MGAM2: variants seen among roughly 807,000 people sequenced by gnomAD.
MGAM2 encodes the protein probable maltase-glucoamylase 2.
Under a neutral mutation model 96.1 loss-of-function variants are expected in MGAM2, and 98 were observed. That is an observed-to-expected ratio of 1.02 (90% confidence interval 0.87 to 1.21). The LOEUF (loss-of-function observed/expected upper bound fraction) is 1.21, where lower values mean the gene tolerates loss of function less well. Among genes scored for constraint, MGAM2 ranks in the 50% most tolerant of loss-of-function variants. The pLI is 0.00. For missense variants in MGAM2, 2,055 were observed against 1,182.4 expected, an observed-to-expected ratio of 1.74 and a Z score of -10.82; for synonymous variants, 749 against 414.8, an observed-to-expected ratio of 1.81 and a Z score of -9.79.
At chr7:142,190,687 T>TG (rs1028214663) in intron 37 of MGAM2, among the ~76,000 whole-genome samples, 2 of 152,162 alleles carry the variant, frequency 1.3e-5, no homozygotes, top group African/African-American at 4.8e-5. Flanking sequence ...GACATTCTAA[T>TG]GGGGGTAAAG....
chr7:142,132,092 T>C lies in MGAM2; in HGVS notation c.575+7T>C, dbSNP rs1363062348. The stretch of plus-strand genomic sequence containing the variant: ...CAAGCAACAGAAGAGTCTTGTGAGC[T>C]TTTCAACCCTCTTGGTGCATCTTTG... On this transcript the variant is annotated splice_region_variant and intron_variant, in intron 6 of 47. Transcript: ENST00000477922. The C allele has an allele frequency of 1.4e-6, 1 of 699,898 alleles. No homozygotes were observed. Among genetic ancestry groups the C allele is most frequent in the Non-Finnish European group, 2.6e-6 (1 of 383,972 alleles). The allele number at this position is 699,898 out of a possible 1,614,324, so 43.4% of individuals were successfully genotyped here. A position where few individuals can be genotyped will look rare whatever the true frequency, so the allele number is the denominator to read the frequency against.
intron 12 of MGAM2, 68 bp downstream of exon 12, chr7:142,141,187 G>A (rs1212403585): frequency 4.5e-6 from 3 of 671,002 alleles, no homozygotes; most frequent in Non-Finnish European, 8.0e-6. Flanking sequence ...GTACGAAGAT[G>A]AGTGAAAGGC....
At chr7:142,174,142 G>C (rs1319564705) in intron 31 of MGAM2, among the ~76,000 whole-genome samples, 1 of 152,164 alleles carries the variant, frequency 6.6e-6, no homozygotes, top group Non-Finnish European at 1.5e-5. Context: ...TTTTTGCTTA[G>C]GATTGCGTTG....
chr7:142,123,963 CTTTTTTTTTTTTT>C (rs960655956), intron 3 of MGAM2, among the ~76,000 whole-genome samples: 4 of 98,098 alleles, frequency 4.1e-5, no homozygotes, highest in African/African-American at 5.4e-5. Flanking sequence ...AGTCCAGAAA[CTTTTTTTTTTTTT>C]TTTTTTTTTT....
intron 40 of MGAM2, 41 bp downstream of exon 40, chr7:142,196,857 A>G (rs1797058408): frequency 4.0e-6 from 3 of 741,984 alleles, no homozygotes; most frequent in East Asian, 2.5e-5. Context: ...TGTACCCTCA[A>G]ATCATAACTT....
intron 46 of MGAM2, among the ~76,000 whole-genome samples, chr7:142,212,650 T>C (rs1346429088): frequency 6.6e-6 from 1 of 152,038 alleles, no homozygotes; most frequent in Non-Finnish European, 1.5e-5. Context: ...CATAAATATA[T>C]ATGCACCCAA....
At chr7:142,183,135 T>G (rs1383737746) in intron 32 of MGAM2, 131 bp from the exon 33 acceptor site, 1 of 558,982 alleles carries the variant, frequency 1.8e-6, no homozygotes, top group Non-Finnish European at 3.1e-6. Flanking sequence ...ATGATTTTTA[T>G]TTTATTTCAT....
chr7:142,169,064 C>T (rs1015985155), intron 26 of MGAM2, among the ~76,000 whole-genome samples: 1 of 152,140 alleles, frequency 6.6e-6, no homozygotes, highest in Non-Finnish European at 1.5e-5. Flanking sequence ...TGAGGTTCTG[C>T]GTTCCTAACA....
intron 46 of MGAM2, among the ~76,000 whole-genome samples, chr7:142,218,069 G>A (rs1021923918): frequency 6.6e-6 from 1 of 152,124 alleles, no homozygotes; most frequent in Admixed American, 6.5e-5. Context: ...GGGTGACAGA[G>A]TGAGACTCCA....
chr7:142,204,712 C>T (rs1203304047), intron 45 of MGAM2, among the ~76,000 whole-genome samples: 1 of 151,804 alleles, frequency 6.6e-6, no homozygotes, highest in Non-Finnish European at 1.5e-5. Flanking sequence ...AAATAAAACT[C>T]TATTCTAAAC....
At chr7:142,129,825 CAAAAAAAAAAAAAAAAAAAAAAAAA>C (rs71166564) in intron 3 of MGAM2, among the ~76,000 whole-genome samples, 5 of 33,402 alleles carry the variant, frequency 1.5e-4, no homozygotes, top group East Asian at 2.8e-3. Context: ...AACTCTGTCT[CAAAAAAAAAAAAAAAAAAAAAAAAA>C]AAAAAAAAAA....
In MGAM2 at chr7:142,217,287, G is replaced by A. The variant is rs1313900986; in HGVS notation, c.5188-1074G>A. Among the ~76,000 whole-genome samples, 5 of 152,120 alleles carry A rather than the reference G, an allele frequency of 3.3e-5. No individual in the cohort carries two copies. The South Asian group carries it at 6.2e-4, about 19-fold the overall frequency. On this transcript the variant is annotated intron_variant, in intron 46 of 47. Coordinates refer to ENST00000477922, the MANE Select transcript of MGAM2 (RefSeq NM_001293626.2). ...ACTGTCCTCAGTCTAGGGACTGTTT[G>A]CCACACTTCTTTGTTCACTCTAAAT...
intron 9 of MGAM2, among the ~76,000 whole-genome samples, chr7:142,137,953 G>C (rs773627583): frequency 6.6e-6 from 1 of 152,204 alleles, no homozygotes; most frequent in Non-Finnish European, 1.5e-5. Flanking sequence ...AGTGGCTCAT[G>C]CTTGTAATTC....
chr7:142,203,480 A>G lies in MGAM2; in HGVS notation c.5137+3512A>G, dbSNP rs1432644951. ...TCAAACTAGCAATGTCATTTTTCAC[A>G]GAATTAGAAAAAAACTATTCTAAAA... On this transcript the variant is annotated intron_variant, in intron 45 of 47. Coordinates refer to ENST00000477922, the MANE Select transcript of MGAM2 (RefSeq NM_001293626.2). Among the ~76,000 whole-genome samples, 4 of 152,180 alleles carry G rather than the reference A, an allele frequency of 2.6e-5. No individual in the cohort carries two copies. In the East Asian group the frequency reaches 7.7e-4, roughly 29 times the overall value.
rs957006911 is a variant in MGAM2, at chr7:142,140,844, G to C, written c.1129G>C (p.Asp377His). 1.4e-5 allele frequency: 10 copies of C among 702,840 alleles called. No homozygotes were observed. Among genetic ancestry groups the C allele is most frequent in the Admixed American group, 1.0e-4 (5 of 49,990 alleles). The allele number at this position is 702,840 out of a possible 1,614,324, so 43.5% of individuals were successfully genotyped here. A position where few individuals can be genotyped will look rare whatever the true frequency, so the allele number is the denominator to read the frequency against. The change falls in exon 11 of 48, where the codon GAT becomes CAT. Residue 377 changes from aspartate to histidine, a missense_variant. Coordinates refer to ENST00000477922, the MANE Select transcript of MGAM2 (RefSeq NM_001293626.2). ...SDIDYMDGKK[D>H]FTVDEVAYSG... Reference sequence around the variant, plus strand: ...CATAGACTACATGGATGGAAAGAAGGATTTCACTGTTGATGAAGTCGCTTA... The same window carrying C: ...CATAGACTACATGGATGGAAAGAAGCATTTCACTGTTGATGAAGTCGCTTA...
chr7:142,180,872 C>G (rs1796516562), intron 32 of MGAM2, among the ~76,000 whole-genome samples: 1 of 151,616 alleles, frequency 6.6e-6, no homozygotes, highest in African/African-American at 2.4e-5. Context: ...TGTTTTAATC[C>G]CAGAAGTTGA....
At position 142,175,741 on chromosome 7, in the gene MGAM2, G is replaced by A. The variant is rs1262194470; in HGVS notation, c.3777G>A (p.Glu1259=). 4 of 702,816 alleles carry A rather than the reference G, an allele frequency of 5.7e-6. No individual in the cohort carries two copies. Among genetic ancestry groups the A allele is most frequent in the East Asian group, 2.7e-5 (1 of 37,258 alleles). 43.5% of individuals were successfully genotyped at this position (702,816 alleles called of 1,614,324 possible). The change falls in exon 32 of 48, where the codon GAG becomes GAA. Residue 1259 remains glutamate, a synonymous_variant. Transcript: ENST00000477922. ...TTCAAAACCTCAGTCTTCTGATTGA[G>A]CAAATGAAGAAAAATGGCATGAGAT... ...ANFQNLSLLI[E]QMKKNGMRFI... is the part of the protein sequence containing the mutation.
intron 7 of MGAM2, among the ~76,000 whole-genome samples, chr7:142,135,121 G>A (rs915587604): frequency 2.0e-5 from 3 of 152,072 alleles, no homozygotes; most frequent in African/African-American, 7.2e-5. Context: ...GTTGAAGTAT[G>A]GTGCAAGGGA....
intron 4 of MGAM2, among the ~76,000 whole-genome samples, chr7:142,131,288 A>G (rs1794880386): frequency 6.6e-6 from 1 of 152,080 alleles, no homozygotes; most frequent in Non-Finnish European, 1.5e-5. Flanking sequence ...AAATACAAAA[A>G]TTAGCTGGGT....
Sources: allele counts gnomAD v4.1 joint callset (sites outside exome capture counted in the v4.1 genomes callset), GRCh38; gene constraint gnomAD v4.1.1; transcripts MANE v1.5; gene names NCBI Gene and HGNC (gene_info 2026-07-23, HGNC 2026-07-21).